The following NHS variants were observed in gnomAD, a reference collection of about 807,000 sequenced individuals.
NHS encodes actin remodeling regulator NHS.
NHS carries 5 observed loss-of-function variants against 72.5 expected under a neutral mutation model. The ratio of observed to expected loss-of-function variants is 0.07; its 90% CI spans 0.04 to 0.14. The LOEUF is 0.14. Ranked by LOEUF, NHS falls within the 10% of genes least tolerant of loss-of-function variation. NHS has a pLI of 1.00. For missense variants in NHS, 1,072 were observed against 1,355.7 expected, an observed-to-expected ratio of 0.79 and a Z score of 3.29; for synonymous variants, 464 against 547.7, an observed-to-expected ratio of 0.85 and a Z score of 2.13.
At chrX:17,519,423 T>C (rs938096324) in intron 1 of NHS, among the ~76,000 whole-genome samples, 3 of 112,079 alleles carry the variant, frequency 2.7e-5, no homozygotes, top group African/African-American at 9.7e-5. Context: ...AATTTTGAAA[T>C]GTGTCTTTCC....
intron 1 of NHS, among the ~76,000 whole-genome samples, chrX:17,563,817 T>G (rs1601773285): frequency 2.1e-5 from 2 of 96,784 alleles, no homozygotes; most frequent in African/African-American, 7.6e-5. Context: ...GTGGGGGAGG[T>G]GGAGAGGAAA....
intron 1 of NHS, among the ~76,000 whole-genome samples, chrX:17,515,417 T>C (rs2065114611): frequency 8.9e-6 from 1 of 112,465 alleles, no homozygotes; most frequent in East Asian, 2.8e-4. Context: ...TGAGTCTATA[T>C]TATATACCAA....
chrX:17,526,029 T>C (rs1393578794), intron 1 of NHS, among the ~76,000 whole-genome samples: 1 of 112,367 alleles, frequency 8.9e-6, no homozygotes, highest in Non-Finnish European at 1.9e-5. Flanking sequence ...CATGTGTGTA[T>C]ACACACAGAA....
intron 1 of NHS, among the ~76,000 whole-genome samples, chrX:17,673,312 G>A (rs927001467): frequency 2.8e-5 from 3 of 108,108 alleles, no homozygotes; most frequent in African/African-American, 1.0e-4. Context: ...TCCACATCCC[G>A]GCCACCAAGG....
At chrX:17,647,499 TC>T (rs2065911233) in intron 1 of NHS, among the ~76,000 whole-genome samples, 1 of 111,811 alleles carries the variant, frequency 8.9e-6, no homozygotes, top group South Asian at 3.7e-4. Flanking sequence ...TCTGTACATT[TC>T]CCAAGTGTGT....
intron 1 of NHS, among the ~76,000 whole-genome samples, chrX:17,597,994 T>C (rs1390798859): frequency 9.0e-6 from 1 of 111,554 alleles, no homozygotes; most frequent in Non-Finnish European, 1.9e-5. Context: ...TTCCTGTCTA[T>C]GAATGCAGCC....
chrX:17,723,770 T>TGTGTGTGTGTGTGTGTGTGTGTGCGCGC (rs541219770), intron 5 of NHS, among the ~76,000 whole-genome samples: 1 of 91,337 alleles, frequency 1.1e-5, no homozygotes, highest in African/African-American at 5.1e-5. Context: ...TGTGTGTGTG[T>TGTGTGTGTGTGTGTGTGTGTGTGCGCGC]GCGCGCGCGT....
intron 1 of NHS, among the ~76,000 whole-genome samples, chrX:17,460,345 T>A (rs1435692372): frequency 9.0e-6 from 1 of 111,043 alleles, no homozygotes; most frequent in Non-Finnish European, 1.9e-5. Context: ...AGTTCCACAC[T>A]GCTGAGGAGA....
chrX:17,683,804 T>G (rs764460518), intron 1 of NHS, among the ~76,000 whole-genome samples: 1 of 111,845 alleles, frequency 8.9e-6, no homozygotes, highest in African/African-American at 3.3e-5. Flanking sequence ...TCCCCTTTCT[T>G]GGGGAGCAGT....
chrX:17,580,876 C>T (rs950766939), intron 1 of NHS, among the ~76,000 whole-genome samples: 19 of 112,431 alleles, frequency 1.7e-4, no homozygotes, highest in Admixed American at 1.2e-3. Flanking sequence ...GCATGCATGT[C>T]GGGAACTCTC....
rs749033829 is a variant in NHS at position 17,727,429 on chromosome X, T to C, written c.3323T>C (p.Leu1108Pro). The C allele has an allele frequency of 2.5e-6, 3 of 1,211,772 alleles. No homozygotes were observed. Among genetic ancestry groups the C allele is most frequent in the East Asian group, 3.0e-5 (1 of 33,841 alleles). Reference protein sequence around the residue: ...LNKPFHHRHPLHVFTHNKQNT... With the variant: ...LNKPFHHRHPPHVFTHNKQNT... ...AAACCATTCCACCACCGTCATCCACTGCATGTTTTTACTCATAATAAGCAG... is the reference window on the plus strand; with the variant it reads ...AAACCATTCCACCACCGTCATCCACCGCATGTTTTTACTCATAATAAGCAG... Residue 1108 changes from leucine to proline, a missense_variant, in exon 7 of 9, where the codon CTG becomes CCG. Coordinates refer to ENST00000676302, the MANE Select transcript of NHS (RefSeq NM_001291867.2).
chrX:17,510,402 T>C lies in NHS; in HGVS notation c.565+134080T>C, dbSNP rs528141477. On this transcript the variant is annotated intron_variant, in intron 1 of 8. Transcript: ENST00000676302. The stretch of plus-strand genomic sequence containing the variant: ...TCTAGGTCTCATTCCACCTCATGAA[T>C]TTACTGGTCTGCAGATGCCCACCTC... Among the ~76,000 whole-genome samples the C allele has an allele frequency of 4.5e-5, 5 of 112,262 alleles. No homozygotes were observed. The South Asian group carries it at 1.1e-3, about 25-fold the overall frequency.
chrX:17,665,813 T>C (rs184263689), intron 1 of NHS, among the ~76,000 whole-genome samples: 1 of 112,649 alleles, frequency 8.9e-6, no homozygotes, highest in East Asian at 2.8e-4. Context: ...GTGGTTTTTA[T>C]TAAGAATTCC....
chrX:17,603,719 A>C (rs2065664204), intron 1 of NHS, among the ~76,000 whole-genome samples: 1 of 112,451 alleles, frequency 8.9e-6, no homozygotes, highest in African/African-American at 3.2e-5. Flanking sequence ...ACACCACCTT[A>C]ACATTACTGC....
chrX:17,389,108 G>A (rs1006545488), intron 1 of NHS, among the ~76,000 whole-genome samples: 6 of 111,927 alleles, frequency 5.4e-5, no homozygotes, highest in African/African-American at 2.0e-4. Context: ...AATTTAAAAA[G>A]TGTCCTAACT....
intron 3 of NHS, among the ~76,000 whole-genome samples, chrX:17,703,439 T>C (rs911676501): frequency 1.7e-4 from 19 of 112,609 alleles, no homozygotes; most frequent in African/African-American, 4.8e-4. Context: ...GATGTTAGGA[T>C]GACAGCAACC....
intron 1 of NHS, among the ~76,000 whole-genome samples, chrX:17,597,283 C>T (rs2065629190): frequency 9.1e-6 from 1 of 109,403 alleles, no homozygotes; most frequent in African/African-American, 3.3e-5. Flanking sequence ...CCATGCCTGG[C>T]TAATTTTATT....
At chrX:17,557,028 G>C (rs928211826) in intron 1 of NHS, among the ~76,000 whole-genome samples, 2 of 107,176 alleles carry the variant, frequency 1.9e-5, no homozygotes, top group African/African-American at 6.9e-5. Flanking sequence ...ATATCTCATT[G>C]CAGAAAGATA....
rs377760225 is a variant in NHS, at chrX:17,436,774, A to G, written c.565+60452A>G. 1.2e-4 allele frequency among the ~76,000 whole-genome samples: 13 copies of G among 110,681 alleles called. No individual in the cohort carries two copies. In the East Asian group the frequency reaches 1.4e-3, roughly 12 times the overall value. ...GGGTTTCCATCACCACACAGGAAAA[A>G]AAATCTGCTGGAATCCAAGAAGTCC... On this transcript the variant is annotated intron_variant, in intron 1 of 8. Coordinates refer to ENST00000676302, the MANE Select transcript of NHS (RefSeq NM_001291867.2).
Sources: gnomAD v4.1 joint callset for allele counts (sites outside exome capture counted in the v4.1 genomes callset) on GRCh38, gnomAD v4.1.1 for gene constraint, MANE v1.5 for transcripts, NCBI Gene and HGNC (gene_info 2026-07-23, HGNC 2026-07-21) for gene names.